Variants in KCNK10 observed in about 807,000 individuals in gnomAD.
The protein encoded by KCNK10 is potassium channel subfamily K member 10.
A neutral mutation model predicts 47.7 loss-of-function variants in KCNK10; 25 were observed. The observed-to-expected ratio is 0.52, with a 90% CI of 0.38 to 0.73. The LOEUF (loss-of-function observed/expected upper bound fraction) is 0.73, where lower values mean the gene tolerates loss of function less well. Among genes scored for constraint, KCNK10 ranks in the 30% least tolerant of loss-of-function variants. KCNK10 has a pLI of 0.00. For missense variants in KCNK10, 563 were observed against 714.5 expected (o/e 0.79, Z 2.42); for synonymous variants, 303 against 285.6 (o/e 1.06, Z -0.61).
chr14:88,264,433 G>C (rs1374385549), intron 1 of KCNK10, among the ~76,000 whole-genome samples: 1 of 152,172 alleles, frequency 6.6e-6, no homozygotes, highest in South Asian at 2.1e-4. Flanking sequence ...CTCTGTCATG[G>C]TGCAGGCTGG....
intron 4 of KCNK10, among the ~76,000 whole-genome samples, chr14:88,204,880 T>C (rs1885217373): frequency 6.6e-6 from 1 of 152,190 alleles, no homozygotes; most frequent in Non-Finnish European, 1.5e-5. Flanking sequence ...GTGATGAGCC[T>C]ATACTGACAA....
At chr14:88,316,927 A>G (rs1275087661) in intron 1 of KCNK10, among the ~76,000 whole-genome samples, 3 of 152,208 alleles carry the variant, frequency 2.0e-5, no homozygotes, top group Admixed American at 2.0e-4. Flanking sequence ...TATTTTTTAA[A>G]TGCATCAGAT....
chr14:88,307,604 G>C (rs1332345047), intron 1 of KCNK10, among the ~76,000 whole-genome samples: 1 of 152,024 alleles, frequency 6.6e-6, no homozygotes, highest in African/African-American at 2.4e-5. Flanking sequence ...GTAATTTTAT[G>C]GTATGTAAAT....
chr14:88,282,803 C>T (rs1292968649), intron 1 of KCNK10, among the ~76,000 whole-genome samples: 1 of 152,212 alleles, frequency 6.6e-6, no homozygotes, highest in Non-Finnish European at 1.5e-5. Context: ...ATTCCTAGTA[C>T]TTTGAGGCTT....
rs557816961 is a variant in KCNK10, at chr14:88,181,625, A to C, written c.*3910T>G. ...TAAAGAGCTATAAGGGAGGATAGAGAGAGCCTACACAGGGCATGATCCGAA... is the reference window on the plus strand; with the variant it reads ...TAAAGAGCTATAAGGGAGGATAGAGCGAGCCTACACAGGGCATGATCCGAA... On this transcript the variant is annotated 3_prime_UTR_variant, in exon 7 of 7. Transcript: ENST00000319231. 2 of 152,376 alleles carry C rather than the reference A, an allele frequency of 1.3e-5. No individual in the cohort carries two copies. The highest frequency in any genetic ancestry group is 4.8e-5 in the African/African-American group (2 of 41,542). 9.4% of individuals were successfully genotyped at this position (152,376 alleles called of 1,614,324 possible).
intron 5 of KCNK10, among the ~76,000 whole-genome samples, chr14:88,189,589 A>T (rs12880645): frequency 0.013 from 1,906 of 152,308 alleles, 23 homozygotes; most frequent in Non-Finnish European, 0.018. Context: ...GTATCCCTTT[A>T]TGAGCTGCTT....
At chr14:88,237,796 T>C (rs1886338914) in intron 3 of KCNK10, among the ~76,000 whole-genome samples, 1 of 152,168 alleles carries the variant, frequency 6.6e-6, no homozygotes, top group South Asian at 2.1e-4. Context: ...TGAAGTTCCA[T>C]TTATAGAAGG....
rs1420044081 is a variant in KCNK10 at position 88,263,506 on chromosome 14, G to A, written c.98C>T (p.Thr33Ile). 2 of 1,613,274 alleles carry A rather than the reference G, an allele frequency of 1.2e-6. No individual in the cohort carries two copies. ...AAPVCQPKSA[T>I]NGQPPAPAPT... The stretch of plus-strand genomic sequence containing the variant: ...AGCCGGAGCCGGGGGTTGCCCGTTA[G>A]TGGCGCTCTTGGGCTGGCACACCGG... Residue 33 changes from threonine (T) to isoleucine (I), a missense_variant, in exon 2 of 7, where the codon ACT becomes ATT. Thr to Ile is a moderately conservative substitution (Grantham distance 89). Coordinates refer to ENST00000319231, the MANE Select transcript of KCNK10 (RefSeq NM_138317.3).
chr14:88,219,054 C>A (rs886449072), intron 4 of KCNK10, among the ~76,000 whole-genome samples: 1 of 152,136 alleles, frequency 6.6e-6, no homozygotes, highest in African/African-American at 2.4e-5. Flanking sequence ...CAGGTCCTAC[C>A]ACCAATTCAC....
chr14:88,244,554 G>C lies in KCNK10; in HGVS notation c.403-3734C>G, dbSNP rs145246741. Among the ~76,000 whole-genome samples, 1,375 of 152,140 alleles carry C rather than the reference G, an allele frequency of 9.0e-3. 8 individuals are homozygous for C. The highest frequency in any genetic ancestry group is 0.015 in the Non-Finnish European group (996 of 67,992). ...CGTGGTGGCGGGCGCTGTAGTCCCA[G>C]CTACTCGGGAGGCTGAGGCAGGAGA... On this transcript the variant is annotated intron_variant, in intron 2 of 6. Coordinates refer to ENST00000319231, the MANE Select transcript of KCNK10 (RefSeq NM_138317.3).
At chr14:88,231,676 A>G (rs1029382365) in intron 3 of KCNK10, among the ~76,000 whole-genome samples, 2 of 152,188 alleles carry the variant, frequency 1.3e-5, no homozygotes, top group African/African-American at 4.8e-5. Context: ...CTCACGTTGA[A>G]TTAGTTACTG....
intron 4 of KCNK10, among the ~76,000 whole-genome samples, chr14:88,204,769 TAA>T (rs1885211168): frequency 6.6e-6 from 1 of 152,078 alleles, no homozygotes; most frequent in Admixed American, 6.5e-5. Context: ...ACAGCAAAAT[TAA>T]GAGAAAGGTA....
At position 88,292,920 on chromosome 14, in the gene KCNK10, G is replaced by A. The variant is rs147638191; in HGVS notation, c.53-29369C>T. ...ATTACAGGAACAAGCCACCTCACCC[G>A]GCTGAAAGAGAGCTTTGAATTGGAT... On this transcript the variant is annotated intron_variant, in intron 1 of 6. Transcript: ENST00000319231. 1.8e-4 allele frequency among the ~76,000 whole-genome samples: 27 copies of A among 152,296 alleles called. No homozygotes were observed. In the East Asian group the frequency reaches 2.9e-3, roughly 16 times the overall value.
chr14:88,213,955 T>TTATTATTATTATTAC (rs1555360668), intron 4 of KCNK10, among the ~76,000 whole-genome samples: 12,005 of 144,236 alleles, frequency 0.083, 711 homozygotes, highest in Non-Finnish European at 0.12. Flanking sequence ...ATTATTATTA[T>TTATTATTATTATTAC]TGAGACAGAG....
chr14:88,257,493 T>C (rs766801828), intron 2 of KCNK10, among the ~76,000 whole-genome samples: 6 of 152,234 alleles, frequency 3.9e-5, no homozygotes, highest in Non-Finnish European at 7.3e-5. Flanking sequence ...ATGCCAGCCA[T>C]TGGGATACCC....
At position 88,249,386 on chromosome 14, in the gene KCNK10, C is replaced by A. The variant is rs189019563; in HGVS notation, c.403-8566G>T. On this transcript the variant is annotated intron_variant, in intron 2 of 6. Transcript: ENST00000319231. ...CAACACCTTATGTTAAGACACAAAG[C>A]CCTGCCACTCTAAAGGACAACCAGG... 6.0e-3 allele frequency among the ~76,000 whole-genome samples: 908 copies of A among 152,300 alleles called. 7 individuals are homozygous for A. Among genetic ancestry groups the A allele is most frequent in the Non-Finnish European group, 0.01 (709 of 68,026 alleles).
chr14:88,240,785 T>G lies in KCNK10; in HGVS notation c.438A>C (p.Pro146=), dbSNP rs1886435028. Residue 146 remains proline, a synonymous_variant, in exon 3 of 7, where the codon CCA becomes CCC. Transcript: ENST00000319231. ...TGCTGTTGTTGGAAGAGTTTCCTATTGGACTGACTCCCGCATTGTCAGCAT... is the reference window on the plus strand; with the variant it reads ...TGCTGTTGTTGGAAGAGTTTCCTATGGGACTGACTCCCGCATTGTCAGCAT... ...ALDADNAGVS[P]IGNSSNNSSH... 1 of 1,613,486 alleles carries G rather than the reference T, an allele frequency of 6.2e-7. No individual in the cohort carries two copies. The highest frequency in any genetic ancestry group is 1.3e-5 in the African/African-American group (1 of 74,934).
intron 4 of KCNK10, among the ~76,000 whole-genome samples, chr14:88,202,845 C>G (rs974347217): frequency 6.6e-6 from 1 of 152,148 alleles, no homozygotes; most frequent in Non-Finnish European, 1.5e-5. Context: ...GAGGAAGAGA[C>G]TAGATGCAGA....
chr14:88,224,149 A>C (rs914053454), intron 4 of KCNK10, among the ~76,000 whole-genome samples: 1 of 152,234 alleles, frequency 6.6e-6, no homozygotes, highest in African/African-American at 2.4e-5. Context: ...ATCTGAGAGC[A>C]AAATTAAACA....
Sources: gnomAD v4.1 joint callset for allele counts (sites outside exome capture counted in the v4.1 genomes callset) on GRCh38, gnomAD v4.1.1 for gene constraint, MANE v1.5 for transcripts, NCBI Gene and HGNC (gene_info 2026-07-23, HGNC 2026-07-21) for gene names.